PFKP: variants seen among roughly 807,000 people sequenced by gnomAD.
PFKP encodes the protein phosphofructokinase, platelet, also known as ATP-dependent 6-phosphofructokinase, platelet type.
Under a neutral mutation model 94.3 loss-of-function variants are expected in PFKP, and 101 were observed. The ratio of observed to expected loss-of-function variants is 1.07; its 90% CI spans 0.91 to 1.26. The LOEUF is 1.26. Among genes scored for constraint, PFKP ranks in the 50% most tolerant of loss-of-function variants. The pLI is 0.00. For missense variants in PFKP, 1,145 were observed against 1,103.3 expected, an observed-to-expected ratio of 1.04 and a Z score of -0.53; for synonymous variants, 573 against 432.6, an observed-to-expected ratio of 1.32 and a Z score of -4.03.
chr10:3,082,438 G>T lies in PFKP; in HGVS notation c.163G>T (p.Ala55Ser), dbSNP rs748743053. The change falls in exon 2 of 22, where the codon GCC becomes TCC. Residue 55 changes from alanine to serine, a missense_variant. Transcript: ENST00000381125. ...AVVRMGIYVG[A>S]KVYFIYEGYQ... ...GGTGCGCATGGGTATCTACGTGGGG[G>T]CCAAGGTGTACTTCATCTACGAGGT... The T allele has an allele frequency of 5.6e-6, 9 of 1,606,464 alleles. No individual in the cohort carries two copies. Among genetic ancestry groups the T allele is most frequent in the South Asian group, 1.1e-5 (1 of 90,478 alleles).
intron 16 of PFKP, among the ~76,000 whole-genome samples, chr10:3,124,682 C>G (rs1483695940): frequency 6.6e-6 from 1 of 152,244 alleles, no homozygotes; most frequent in African/African-American, 2.4e-5. Flanking sequence ...CCCCATCCCA[C>G]TGATCCTTGC....
chr10:3,111,780 G>A (rs376751295), intron 10 of PFKP, among the ~76,000 whole-genome samples: 5 of 152,066 alleles, frequency 3.3e-5, no homozygotes, highest in South Asian at 2.1e-4. Context: ...TCCCCCGCCC[G>A]CTGTGACCTC....
At chr10:3,071,912 C>T (rs969676560) in intron 1 of PFKP, among the ~76,000 whole-genome samples, 13 of 152,340 alleles carry the variant, frequency 8.5e-5, no homozygotes, top group Non-Finnish European at 1.6e-4. Flanking sequence ...GAGCAAGGGG[C>T]GCCTGAGTTG....
chr10:3,082,211 G>C (rs1220472894), intron 1 of PFKP, among the ~76,000 whole-genome samples, 177 bp from the exon 2 acceptor site: 1 of 151,990 alleles, frequency 6.6e-6, no homozygotes, highest in African/African-American at 2.4e-5. Context: ...CTTGCGTTAC[G>C]TTGGCTGTTT....
At position 3,118,799 on chromosome 10, in the gene PFKP, A is replaced by T. The variant is rs747880639; in HGVS notation, c.1460A>T (p.Tyr487Phe). The change falls in exon 15 of 22, where the codon TAC becomes TTC. Residue 487 changes from tyrosine to phenylalanine, a missense_variant. Tyr to Phe is a conservative substitution (Grantham distance 22). Transcript: ENST00000381125. The part of the protein sequence containing the change: ...LGTKRVLPGK[Y>F]LEEIATQMRT... Reference sequence around the variant, plus strand: ...ATTTTCAGCGTTCTCCCGGGGAAGTACTTGGAAGAGATCGCCACACAGATG... The same window carrying T: ...ATTTTCAGCGTTCTCCCGGGGAAGTTCTTGGAAGAGATCGCCACACAGATG... 3 of 1,613,636 alleles carry T rather than the reference A, an allele frequency of 1.9e-6. No homozygotes were observed. In the South Asian group the frequency reaches 3.3e-5, roughly 18 times the overall value.
chr10:3,099,607 CCTT>C (rs1292633483), intron 3 of PFKP, among the ~76,000 whole-genome samples: 9 of 152,202 alleles, frequency 5.9e-5, no homozygotes, highest in Admixed American at 5.9e-4. Context: ...GGGGCCCACA[CCTT>C]CGTGCTGGTC....
chr10:3,090,951 A>G (rs1020412488), intron 2 of PFKP, among the ~76,000 whole-genome samples: 2 of 152,048 alleles, frequency 1.3e-5, no homozygotes, highest in African/African-American at 4.8e-5. Flanking sequence ...ACAGGTTACT[A>G]TTAATTAAAG....
chr10:3,127,558 G>T (rs2388565), intron 16 of PFKP, among the ~76,000 whole-genome samples: 3 of 152,062 alleles, frequency 2.0e-5, no homozygotes, highest in Non-Finnish European at 4.4e-5. Context: ...AGACAAAGGA[G>T]AAGTCTTAAA....
chr10:3,111,954 T>TG (rs1836278334), intron 10 of PFKP, among the ~76,000 whole-genome samples: 1 of 152,234 alleles, frequency 6.6e-6, no homozygotes, highest in Admixed American at 6.5e-5. Context: ...AAACAGCAGG[T>TG]GACACCTTCT....
At chr10:3,119,149 G>A (rs1215692061) in intron 15 of PFKP, among the ~76,000 whole-genome samples, 1 of 152,076 alleles carries the variant, frequency 6.6e-6, no homozygotes, top group South Asian at 2.1e-4. Context: ...TCAGGCCTGT[G>A]GAAGTAATTC....
At chr10:3,110,500 G>T (rs1836086344) in intron 10 of PFKP, among the ~76,000 whole-genome samples, 1 of 151,340 alleles carries the variant, frequency 6.6e-6, no homozygotes, top group Non-Finnish European at 1.5e-5. Context: ...ACAGGCATGA[G>T]CCACCACGCC....
At chr10:3,101,695 T>C (rs1835011879) in intron 4 of PFKP, 141 bp downstream of exon 4, 10 of 590,846 alleles carry the variant, frequency 1.7e-5, no homozygotes, top group East Asian at 3.2e-5. Context: ...CTTTTTAGGA[T>C]CTCAAAAAAC....
At chr10:3,073,752 C>T (rs1334077910) in intron 1 of PFKP, among the ~76,000 whole-genome samples, 6 of 149,396 alleles carry the variant, frequency 4.0e-5, no homozygotes, top group Admixed American at 6.6e-5. Context: ...GCAGTAGCCT[C>T]GGGGAGTCAG....
At position 3,111,080 on chromosome 10, in the gene PFKP, C is replaced by T. The variant is rs536546208; in HGVS notation, c.1090-1142C>T. Reference sequence around the variant, plus strand: ...TATATATGTGTGTGAGGTAATGCATCTGCATGTGTGTGCATGTATGCTTAT... The same window carrying T: ...TATATATGTGTGTGAGGTAATGCATTTGCATGTGTGTGCATGTATGCTTAT... On this transcript the variant is annotated intron_variant, in intron 10 of 21. Transcript: ENST00000381125. Among the ~76,000 whole-genome samples the T allele has an allele frequency of 7.2e-4, 107 of 149,618 alleles. 2 individuals are homozygous for T. The South Asian group carries it at 0.022, about 31-fold the overall frequency.
chr10:3,130,363 T>G (rs1329236445), intron 17 of PFKP, among the ~76,000 whole-genome samples: 2 of 152,222 alleles, frequency 1.3e-5, no homozygotes, highest in Non-Finnish European at 2.9e-5. Context: ...AGGCCCCTGA[T>G]GCTGCGTCTG....
chr10:3,118,711 C>G (rs1403279869), intron 14 of PFKP, 71 bp from the exon 15 acceptor site: 8 of 1,061,470 alleles, frequency 7.5e-6, no homozygotes, highest in African/African-American at 6.3e-5. Flanking sequence ...CGGGTGGGGA[C>G]CGGCGTGGCG....
chr10:3,112,280 G>C lies in PFKP; in HGVS notation c.1148G>C (p.Arg383Pro). ...ERRFQDAVRL[R>P]GRSFAGNLNT... Reference sequence around the variant, plus strand: ...AGATTTCAAGATGCGGTTCGACTCCGAGGGAGGTGAGGTGCTTTGGAGAAA... The same window carrying C: ...AGATTTCAAGATGCGGTTCGACTCCCAGGGAGGTGAGGTGCTTTGGAGAAA... The change falls in exon 11 of 22, where the codon CGA becomes CCA. Residue 383 changes from arginine (R) to proline (P), a missense_variant. By Grantham distance (103) the Arg-to-Pro change is moderately radical (BLOSUM62 -2). Around this residue, in one of 3 missense-constraint regions of PFKP, gnomAD observed 1,119 missense variants for 1,062.8 expected, o/e 1.05. Transcript: ENST00000381125. 1 of 1,612,540 alleles carries C rather than the reference G, an allele frequency of 6.2e-7. No individual in the cohort carries two copies. Among genetic ancestry groups the C allele is most frequent in the Non-Finnish European group, 8.5e-7 (1 of 1,178,514 alleles).
intron 2 of PFKP, among the ~76,000 whole-genome samples, chr10:3,088,888 G>A (rs927937238): frequency 2.6e-5 from 4 of 151,256 alleles, no homozygotes; most frequent in Non-Finnish European, 5.9e-5. Context: ...TAGCTCCCAC[G>A]TATGAGTGAG....
intron 1 of PFKP, chr10:3,068,849 C>A: frequency 3.3e-6 from 1 of 300,414 alleles, no homozygotes; most frequent in Non-Finnish European, 4.9e-6. Flanking sequence ...TTTCCCGGTT[C>A]CTCCTGCCGC....
Sources: allele counts gnomAD v4.1 joint callset (sites outside exome capture counted in the v4.1 genomes callset), GRCh38; gene constraint gnomAD v4.1.1; regional missense constraint gnomAD v4.1.1; transcripts MANE v1.5; gene names NCBI Gene and HGNC (gene_info 2026-07-23, HGNC 2026-07-21).